Variants in HCN1 observed in about 807,000 individuals in gnomAD.
HCN1 encodes the protein hyperpolarization activated cyclic nucleotide gated potassium channel 1.
A neutral mutation model predicts 78.9 loss-of-function variants in HCN1; 13 were observed. The observed-to-expected ratio is 0.16, with a 90% CI of 0.11 to 0.26. The LOEUF is 0.26. Among genes scored for constraint, HCN1 ranks in the 10% least tolerant of loss-of-function variants. The probability of loss-of-function intolerance (pLI) is 1.00; values close to 1 mark genes in which losing one functional copy is unlikely to be tolerated. For missense variants in HCN1, 810 were observed against 1,154.3 expected (o/e 0.70, Z 4.32); for synonymous variants, 552 against 455.5 (o/e 1.21, Z -2.70).
At chr5:45,644,965 T>A (rs1441466894) in intron 2 of HCN1, 4 of 549,238 alleles carry the variant, frequency 7.3e-6, no homozygotes, top group East Asian at 5.8e-5. Context: ...TAAATTGGCA[T>A]AAAACGATCA....
At chr5:45,445,214 C>T (rs994833493) in intron 3 of HCN1, among the ~76,000 whole-genome samples, 7 of 152,280 alleles carry the variant, frequency 4.6e-5, no homozygotes, top group South Asian at 2.1e-4. Context: ...GCTTAGAAAA[C>T]GGCGCACCAG....
At chr5:45,288,278 C>T (rs1366556686) in intron 6 of HCN1, among the ~76,000 whole-genome samples, 8 of 152,006 alleles carry the variant, frequency 5.3e-5, no homozygotes, top group Admixed American at 5.3e-4. Context: ...TTTTAAATTG[C>T]TAAGTGCTTG....
chr5:45,448,985 G>A (rs936843796), intron 3 of HCN1, among the ~76,000 whole-genome samples: 4 of 152,048 alleles, frequency 2.6e-5, no homozygotes, highest in South Asian at 2.1e-4. Context: ...GTGGTGGCCC[G>A]TGCCTGTAGT....
At chr5:45,493,972 T>C (rs1741960920) in intron 2 of HCN1, among the ~76,000 whole-genome samples, 1 of 152,234 alleles carries the variant, frequency 6.6e-6, no homozygotes, top group East Asian at 1.9e-4. Context: ...GGTGTATATG[T>C]TTCACATTTT....
At chr5:45,519,043 A>G (rs576177996) in intron 2 of HCN1, among the ~76,000 whole-genome samples, 52 of 152,052 alleles carry the variant, frequency 3.4e-4, no homozygotes, top group African/African-American at 1.2e-3. Flanking sequence ...TTGGTAGCTG[A>G]TTGCCAGAAC....
chr5:45,515,653 A>C (rs964574336), intron 2 of HCN1, among the ~76,000 whole-genome samples: 1 of 151,978 alleles, frequency 6.6e-6, no homozygotes, highest in Non-Finnish European at 1.5e-5. Flanking sequence ...ATACCATAAG[A>C]AAATGAGGCT....
At chr5:45,381,653 TTCCATCAA>T (rs1747810116) in intron 4 of HCN1, among the ~76,000 whole-genome samples, 3 of 152,140 alleles carry the variant, frequency 2.0e-5, no homozygotes, top group Non-Finnish European at 4.4e-5. Flanking sequence ...CTCACATCTA[TTCCATCAA>T]TCCAGCAAGT....
chr5:45,590,829 G>T (rs899027339), intron 2 of HCN1, among the ~76,000 whole-genome samples: 1 of 151,970 alleles, frequency 6.6e-6, no homozygotes, highest in Non-Finnish European at 1.5e-5. Context: ...ACATTGTATT[G>T]GTTGGTTTGT....
chr5:45,333,841 T>C (rs1428311543), intron 5 of HCN1, among the ~76,000 whole-genome samples: 5 of 151,810 alleles, frequency 3.3e-5, no homozygotes, highest in African/African-American at 1.2e-4. Flanking sequence ...ACCAAACGTG[T>C]ACAAGGGTTC....
chr5:45,456,169 C>A (rs1307832348), intron 3 of HCN1, among the ~76,000 whole-genome samples: 1 of 151,846 alleles, frequency 6.6e-6, no homozygotes, highest in Non-Finnish European at 1.5e-5. Flanking sequence ...TTAATTTTGA[C>A]TTCAGCAATT....
At chr5:45,316,356 T>C (rs769214872) in intron 5 of HCN1, among the ~76,000 whole-genome samples, 29 of 152,182 alleles carry the variant, frequency 1.9e-4, no homozygotes, top group African/African-American at 6.3e-4. Flanking sequence ...TTTGACAAAA[T>C]TCAACACCCC....
intron 2 of HCN1, among the ~76,000 whole-genome samples, chr5:45,611,009 G>T (rs373651799): frequency 7.3e-5 from 11 of 150,704 alleles, no homozygotes; most frequent in African/African-American, 2.7e-4. Context: ...TTTGAATTGT[G>T]ACCTATGTTT....
At chr5:45,375,783 TATA>T (rs1354211008) in intron 4 of HCN1, among the ~76,000 whole-genome samples, 6 of 100,890 alleles carry the variant, frequency 5.9e-5, no homozygotes, top group South Asian at 3.1e-4. Flanking sequence ...TTATATATAA[TATA>T]ATATTTTATG....
intron 2 of HCN1, among the ~76,000 whole-genome samples, chr5:45,526,888 G>A (rs1742747145): frequency 6.6e-6 from 1 of 151,824 alleles, no homozygotes; most frequent in South Asian, 2.1e-4. Context: ...AATTACCCCT[G>A]CCACACAGAG....
chr5:45,682,721 G>GA (rs369076740), intron 1 of HCN1, among the ~76,000 whole-genome samples: 18 of 151,590 alleles, frequency 1.2e-4, no homozygotes, highest in African/African-American at 3.9e-4. Context: ...GTAAAGAAAC[G>GA]AAACATTAAG....
intron 5 of HCN1, among the ~76,000 whole-genome samples, chr5:45,320,275 A>T (rs1746097420): frequency 6.6e-6 from 1 of 151,900 alleles, no homozygotes; most frequent in Non-Finnish European, 1.5e-5. Flanking sequence ...CCTAGAGAAC[A>T]TCCTATTAAA....
At chr5:45,484,276 T>C (rs758854020) in intron 2 of HCN1, among the ~76,000 whole-genome samples, 2 of 151,578 alleles carry the variant, frequency 1.3e-5, no homozygotes, top group South Asian at 2.1e-4. Context: ...CTAAAAAAAA[T>C]ACAAAAAAAT....
Position 45,489,556 on chromosome 5 carries a change from GCT to G in HCN1, c.850-27551_850-27550del, listed in dbSNP as rs545361332. Among the ~76,000 whole-genome samples the G allele has an allele frequency of 1.2e-3, 189 of 152,242 alleles. 1 individual carries two copies. The highest frequency in any genetic ancestry group is 4.4e-3 in the African/African-American group (184 of 41,572). ...ACACTCTAATTCATGACAATAAAGT[GCT>G]CTCTGTTTCCACCATGATTAAAGCT... On this transcript the variant is annotated intron_variant, in intron 2 of 7. Transcript: ENST00000303230.
At chr5:45,422,346 A>C (rs1016814068) in intron 3 of HCN1, among the ~76,000 whole-genome samples, 4 of 152,140 alleles carry the variant, frequency 2.6e-5, no homozygotes, top group Admixed American at 1.3e-4. Context: ...TAAATTTGTA[A>C]TATTTTTCTC....
Sources: allele counts gnomAD v4.1 joint callset (sites outside exome capture counted in the v4.1 genomes callset), GRCh38; gene constraint gnomAD v4.1.1; transcripts MANE v1.5; gene names NCBI Gene and HGNC (gene_info 2026-07-23, HGNC 2026-07-21).